The following DNAH9 variants were observed in gnomAD, a reference collection of about 807,000 sequenced individuals.
The protein encoded by DNAH9 is DNAH9 variant protein.
In DNAH9, 345 loss-of-function variants were observed where a neutral mutation model predicts 471.6. The observed-to-expected ratio is 0.73, with a 90% confidence interval of 0.67 to 0.80. The LOEUF (loss-of-function observed/expected upper bound fraction) is 0.80. Among genes scored for constraint, DNAH9 ranks in the 30% least tolerant of loss-of-function variants. The pLI, the probability that DNAH9 is intolerant of heterozygous loss-of-function variation, is 0.00. For missense variants in DNAH9, 5,407 were observed against 5,609.2 expected (o/e 0.96, Z 1.15); for synonymous variants, 2,093 against 2,123.6 (o/e 0.99, Z 0.40).
chr17:11,875,745 G>A (rs937965365), intron 53 of DNAH9: 5 of 152,916 alleles, frequency 3.3e-5, no homozygotes, highest in African/African-American at 1.2e-4. Flanking sequence ...ACCACGTGAA[G>A]GGACTTGAAT....
intron 61 of DNAH9, among the ~76,000 whole-genome samples, chr17:11,912,067 G>C (rs1422085182): frequency 6.6e-6 from 1 of 152,004 alleles, no homozygotes; most frequent in Admixed American, 6.6e-5. Context: ...CACCAGGCTG[G>C]AGTGCAGTGG....
chr17:11,837,115 A>T (rs1970876055), intron 49 of DNAH9, among the ~76,000 whole-genome samples: 1 of 152,182 alleles, frequency 6.6e-6, no homozygotes, highest in South Asian at 2.1e-4. Flanking sequence ...CAGAATTATC[A>T]CTTCTGTTTC....
chr17:11,753,054 A>G (rs1323655481), intron 33 of DNAH9, 94 bp downstream of exon 33: 15 of 1,056,216 alleles, frequency 1.4e-5, no homozygotes, highest in Non-Finnish European at 1.9e-5. Flanking sequence ...TAGATTCCAC[A>G]TGATGGCTGG....
intron 55 of DNAH9, chr17:11,882,899 A>G (rs962739463): frequency 9.2e-6 from 9 of 980,916 alleles, no homozygotes; most frequent in Non-Finnish European, 9.7e-6. Context: ...GGATCAAGAT[A>G]TGTGGTTTTA....
At position 11,807,832 on chromosome 17, in the gene DNAH9, A is replaced by G. The variant is rs775065715; in HGVS notation, c.8521A>G (p.Ile2841Val). Residue 2841 changes from isoleucine to valine, a missense_variant, in exon 44 of 69, where the codon ATC (isoleucine) becomes GTC (valine). Transcript: ENST00000262442. ...GAGCCTGACAAGGCTGGCAGCTTTCATCAGCTCCATGGATGTCTTCCAGAT... is the reference window on the plus strand; with the variant it reads ...GAGCCTGACAAGGCTGGCAGCTTTCGTCAGCTCCATGGATGTCTTCCAGAT... ...KQSLTRLAAFISSMDVFQITL... is the reference protein window; with the variant it reads ...KQSLTRLAAFVSSMDVFQITL... The G allele has an allele frequency of 1.2e-5, 19 of 1,614,080 alleles. No individual in the cohort carries two copies. In the South Asian group the frequency reaches 1.4e-4, roughly 12 times the overall value.
intron 38 of DNAH9, among the ~76,000 whole-genome samples, chr17:11,773,213 C>T (rs1210506112): frequency 6.6e-6 from 1 of 152,144 alleles, no homozygotes; most frequent in Non-Finnish European, 1.5e-5. Flanking sequence ...TCGTTATTTG[C>T]ACTTGAGACC....
rs181481099 is a variant in DNAH9 at position 11,831,461 on chromosome 17, C to T, written c.9247-3177C>T. Among the ~76,000 whole-genome samples, 32 of 152,164 alleles carry T rather than the reference C, an allele frequency of 2.1e-4. No homozygotes were observed. The South Asian group carries it at 2.3e-3, about 11-fold the overall frequency. ...GGCATTTATCTCTTCATGATGGACC[C>T]GCCCCCATGACACAAATATCTTCCA... On this transcript the variant is annotated intron_variant, in intron 48 of 68. Coordinates refer to ENST00000262442, the MANE Select transcript of DNAH9 (RefSeq NM_001372.4).
chr17:11,948,064 C>T (rs897769414), intron 67 of DNAH9, among the ~76,000 whole-genome samples: 2 of 151,592 alleles, frequency 1.3e-5, no homozygotes, highest in African/African-American at 4.8e-5. Context: ...CACGCCTGGC[C>T]AGGAACTGAT....
intron 61 of DNAH9, among the ~76,000 whole-genome samples, chr17:11,919,541 A>C (rs1974068845): frequency 6.6e-6 from 1 of 151,928 alleles, no homozygotes; most frequent in African/African-American, 2.4e-5. Context: ...ATTAGGAGAC[A>C]TAATGACAGA....
intron 10 of DNAH9, among the ~76,000 whole-genome samples, chr17:11,642,293 C>G (rs1005396209): frequency 2.0e-5 from 3 of 152,098 alleles, no homozygotes; most frequent in African/African-American, 7.2e-5. Context: ...AATCCCAGCA[C>G]TTTGGGAGGC....
At chr17:11,923,077 T>A (rs925195198) in intron 61 of DNAH9, among the ~76,000 whole-genome samples, 3 of 144,520 alleles carry the variant, frequency 2.1e-5, no homozygotes, top group Admixed American at 7.1e-5. Context: ...TTTTGGTTTT[T>A]GTTTTGTTTT....
chr17:11,768,115 A>G (rs1207376645), intron 36 of DNAH9, among the ~76,000 whole-genome samples: 1 of 152,110 alleles, frequency 6.6e-6, no homozygotes, highest in African/African-American at 2.4e-5. Flanking sequence ...AATGGGGCCA[A>G]TCTACCTCTT....
At chr17:11,875,988 G>A (rs369931250) in intron 53 of DNAH9, among the ~76,000 whole-genome samples, 7 of 152,104 alleles carry the variant, frequency 4.6e-5, no homozygotes, top group South Asian at 2.1e-4. Flanking sequence ...CTCAAATGCC[G>A]TCCTTAATCC....
intron 50 of DNAH9, among the ~76,000 whole-genome samples, chr17:11,866,752 C>T (rs923791606): frequency 2.2e-4 from 33 of 152,106 alleles, no homozygotes; most frequent in Non-Finnish European, 3.5e-4. Flanking sequence ...GCCTCGCTGC[C>T]GCCTTGCAGT....
chr17:11,648,151 A>G (rs2073430499), intron 12 of DNAH9, among the ~76,000 whole-genome samples: 1 of 152,254 alleles, frequency 6.6e-6, no homozygotes, highest in African/African-American at 2.4e-5. Context: ...ACACTAAGCT[A>G]AAAGCAGTCA....
intron 4 of DNAH9, among the ~76,000 whole-genome samples, chr17:11,613,176 G>T (rs2072672583): frequency 6.6e-6 from 1 of 152,186 alleles, no homozygotes; most frequent in Non-Finnish European, 1.5e-5. Context: ...GTCTCTTGAG[G>T]CTCCAGCTTA....
intron 17 of DNAH9, among the ~76,000 whole-genome samples, chr17:11,676,564 T>C (rs1002181800): frequency 1.3e-5 from 2 of 152,162 alleles, no homozygotes; most frequent in Non-Finnish European, 2.9e-5. Context: ...ATTACAGGCA[T>C]GAGCCACTGC....
At chr17:11,950,765 T>G (rs910628774) in intron 67 of DNAH9, among the ~76,000 whole-genome samples, 2 of 152,186 alleles carry the variant, frequency 1.3e-5, no homozygotes, top group African/African-American at 4.8e-5. Flanking sequence ...CATCTCTGTA[T>G]GAGGGATGGT....
chr17:11,765,440 T>A (rs1213489205), intron 36 of DNAH9, among the ~76,000 whole-genome samples: 1 of 152,192 alleles, frequency 6.6e-6, no homozygotes, highest in Admixed American at 6.5e-5. Flanking sequence ...CAAAAAAGAA[T>A]TTGCAATTAA....
Sources: gnomAD v4.1 joint callset for allele counts (sites outside exome capture counted in the v4.1 genomes callset) on GRCh38, gnomAD v4.1.1 for gene constraint, MANE v1.5 for transcripts, NCBI Gene and HGNC (gene_info 2026-07-23, HGNC 2026-07-21) for gene names.